TLL2: variants seen among roughly 807,000 people sequenced by gnomAD.
The protein encoded by TLL2 is tolloid like 2.
A neutral mutation model predicts 123.0 loss-of-function variants in TLL2; 106 were observed. The observed-to-expected ratio is 0.86, with a 90% CI of 0.74 to 1.01. The LOEUF (loss-of-function observed/expected upper bound fraction) is 1.01. TLL2 is among the 50% of genes least tolerant of loss of function. The probability of loss-of-function intolerance (pLI) is 0.00; values close to 1 mark genes in which losing one functional copy is unlikely to be tolerated. For missense variants in TLL2, 1,332 were observed against 1,336.7 expected, an observed-to-expected ratio of 1.00 and a Z score of 0.06; for synonymous variants, 494 against 516.8, an observed-to-expected ratio of 0.96 and a Z score of 0.60.
At chr10:96,448,230 C>G (rs945003390) in intron 2 of TLL2, among the ~76,000 whole-genome samples, 7 of 152,200 alleles carry the variant, frequency 4.6e-5, no homozygotes, top group Non-Finnish European at 5.9e-5. Flanking sequence ...CTGCAGCTGC[C>G]GGGTGTTCGC....
chr10:96,422,208 CTTT>C (rs58380591), intron 6 of TLL2, among the ~76,000 whole-genome samples: 4 of 129,114 alleles, frequency 3.1e-5, no homozygotes, highest in Non-Finnish European at 3.4e-5. Flanking sequence ...CAGGAGAACT[CTTT>C]TTTTTTTTTT....
intron 2 of TLL2, among the ~76,000 whole-genome samples, chr10:96,477,661 C>T (rs989556730): frequency 6.6e-6 from 1 of 152,158 alleles, no homozygotes; most frequent in East Asian, 1.9e-4. Context: ...TCTTTTCATC[C>T]TCGCAGCATT....
At chr10:96,478,481 G>A (rs1847280849) in intron 2 of TLL2, among the ~76,000 whole-genome samples, 1 of 152,140 alleles carries the variant, frequency 6.6e-6, no homozygotes, top group South Asian at 2.1e-4. Context: ...CCCACTCCTG[G>A]GCACAGGCCC....
intron 2 of TLL2, among the ~76,000 whole-genome samples, chr10:96,472,229 GC>G (rs1466994873): frequency 1.3e-5 from 2 of 152,140 alleles, no homozygotes; most frequent in African/African-American, 4.8e-5. Context: ...CAATGAACTG[GC>G]CCAGCAAGAG....
intron 20 of TLL2, among the ~76,000 whole-genome samples, 165 bp downstream of exon 20, chr10:96,369,900 C>G (rs12268819): frequency 0.62 from 94,632 of 152,044 alleles, 31,083 homozygotes; most frequent in Non-Finnish European, 0.73. Flanking sequence ...ACCTCCTCTC[C>G]TGACGGTTCT....
rs1408574609 is a variant in TLL2 at position 96,387,009 on chromosome 10, T to C, written c.1796A>G (p.Tyr599Cys). 1.2e-6 allele frequency: 2 copies of C among 1,614,138 alleles called. No homozygotes were observed. Among genetic ancestry groups the C allele is most frequent in the Non-Finnish European group, 8.5e-7 (1 of 1,180,040 alleles). Residue 599 changes from tyrosine (Y) to cysteine (C), a missense_variant, in exon 14 of 21, where the codon TAC becomes TGC. Transcript: ENST00000357947. ...EHRCVNTLGS[Y>C]KCACDPGYEL... ...GTAGCCAGGGTCACAGGCACACTTG[T>C]AGCTGCCCAGCGTGTTCACACAGCG... is the stretch of plus-strand genomic sequence containing the variant.
chr10:96,400,034 T>C (rs537180848), intron 10 of TLL2, among the ~76,000 whole-genome samples: 14 of 152,234 alleles, frequency 9.2e-5, no homozygotes, highest in African/African-American at 3.1e-4. Flanking sequence ...AATCACTTTG[T>C]CACTCTTAAC....
intron 1 of TLL2, among the ~76,000 whole-genome samples, chr10:96,512,240 T>C (rs1847639003): frequency 6.6e-6 from 1 of 152,198 alleles, no homozygotes; most frequent in South Asian, 2.1e-4. Context: ...TTTACCCAGT[T>C]CTGACCCTCC....
Position 96,386,157 on chromosome 10 carries a change from C to T in TLL2, c.1911G>A (p.Pro637=), listed in dbSNP as rs556210650. 19 of 1,612,770 alleles carry T rather than the reference C, an allele frequency of 1.2e-5. No homozygotes were observed. Among genetic ancestry groups the T allele is most frequent in the African/African-American group, 2.7e-5 (2 of 74,858 alleles). ...LNGTITSPGW[P]KEYPTNKNCV... The stretch of plus-strand genomic sequence containing the variant: ...AGTTTTTGTTTGTGGGATACTCCTT[C>T]GGCCACCCAGGGCTGGTGATGGTTC... The change falls in exon 15 of 21, where the codon CCG becomes CCA. Residue 637 remains proline, a synonymous_variant. Coordinates refer to ENST00000357947, the MANE Select transcript of TLL2 (RefSeq NM_012465.4).
At chr10:96,394,078 G>A (rs754560022) in intron 13 of TLL2, among the ~76,000 whole-genome samples, 2 of 152,198 alleles carry the variant, frequency 1.3e-5, no homozygotes, top group South Asian at 2.1e-4. Flanking sequence ...GGCTGTTCAC[G>A]TAGAACCTGG....
At chr10:96,406,206 A>AC (rs960111472) in intron 9 of TLL2, among the ~76,000 whole-genome samples, 19 of 151,980 alleles carry the variant, frequency 1.3e-4, no homozygotes, top group African/African-American at 4.4e-4. Flanking sequence ...CCTGCAGCCC[A>AC]CCAGCTCGGG....
At chr10:96,376,654 C>G in intron 18 of TLL2, 38 bp downstream of exon 18, 1 of 1,605,734 alleles carries the variant, frequency 6.2e-7, no homozygotes. Flanking sequence ...GCCTGATACT[C>G]AAGTCCACAT....
Position 96,386,913 on chromosome 10 carries a change from A to G in TLL2, c.1852+40T>C, listed in dbSNP as rs371561892. On this transcript the variant is annotated intron_variant, in intron 14 of 20. Coordinates refer to ENST00000357947, the MANE Select transcript of TLL2 (RefSeq NM_012465.4). ...CCCCACTTCCCCAAAGACTTGTCCC[A>G]TATACCCTCTCATTCTAGCTTGGCA... The G allele has an allele frequency of 5.6e-6, 9 of 1,612,398 alleles. No individual in the cohort carries two copies. In the African/African-American group the frequency reaches 1.1e-4, roughly 19 times the overall value.
At chr10:96,430,946 C>T (rs1302272057) in intron 4 of TLL2, among the ~76,000 whole-genome samples, 1 of 152,120 alleles carries the variant, frequency 6.6e-6, no homozygotes, top group Non-Finnish European at 1.5e-5. Flanking sequence ...ACTTAACTGT[C>T]CATTTTTTTT....
Position 96,432,922 on chromosome 10 carries a change from G to C in TLL2, c.405C>G (p.Thr135=). 5.6e-6 allele frequency: 9 copies of C among 1,614,128 alleles called. No individual in the cohort carries two copies. Among genetic ancestry groups the C allele is most frequent in the African/African-American group, 1.3e-5 (1 of 75,020 alleles). The change falls in exon 4 of 21, where the codon ACC becomes ACG. Residue 135 remains threonine (T), a synonymous_variant. Transcript: ENST00000357947. ...AGAAGGTCTTGGCTGCGGCATGCAAGGTCCCAGGGCTGTGCAGGAGTGTGG... is the reference window on the plus strand; with the variant it reads ...AGAAGGTCTTGGCTGCGGCATGCAACGTCCCAGGGCTGTGCAGGAGTGTGG... ...ENTTLLHSPG[T]LHAAAKTFSP...
chr10:96,490,523 A>G (rs1247446941), intron 1 of TLL2, among the ~76,000 whole-genome samples: 1 of 152,256 alleles, frequency 6.6e-6, no homozygotes, highest in African/African-American at 2.4e-5. Context: ...GAACTAAGCA[A>G]TGAATGACGT....
chr10:96,490,753 C>T (rs989614736), intron 1 of TLL2, among the ~76,000 whole-genome samples: 1 of 152,196 alleles, frequency 6.6e-6, no homozygotes, highest in African/African-American at 2.4e-5. Context: ...TCACCTCTTC[C>T]ACTACCAATC....
intron 8 of TLL2, among the ~76,000 whole-genome samples, chr10:96,412,584 G>A (rs1846517262): frequency 2.0e-5 from 3 of 152,136 alleles, no homozygotes; most frequent in Non-Finnish European, 1.5e-5. Flanking sequence ...AACGGGCCAG[G>A]GAACAGGCAT....
intron 7 of TLL2, among the ~76,000 whole-genome samples, chr10:96,420,649 A>C (rs1846610421): frequency 6.6e-6 from 1 of 152,208 alleles, no homozygotes; most frequent in Non-Finnish European, 1.5e-5. Context: ...CACCCACTGG[A>C]AATTTGACAC....
Sources: allele counts gnomAD v4.1 joint callset (sites outside exome capture counted in the v4.1 genomes callset), GRCh38; gene constraint gnomAD v4.1.1; transcripts MANE v1.5; gene names NCBI Gene and HGNC (gene_info 2026-07-23, HGNC 2026-07-21).